PPP1R1B: variants seen among roughly 807,000 people sequenced by gnomAD.
PPP1R1B encodes the protein protein phosphatase 1 regulatory subunit 1B.
In PPP1R1B, 13 loss-of-function variants were observed where a neutral mutation model predicts 28.2. That is an observed-to-expected ratio of 0.46 (90% CI 0.30 to 0.73). The LOEUF (loss-of-function observed/expected upper bound fraction) is 0.73, where lower values mean the gene tolerates loss of function less well. Among genes scored for constraint, PPP1R1B ranks in the 30% least tolerant of loss-of-function variants. The pLI is 0.07. For missense variants in PPP1R1B, 236 were observed against 256.7 expected (o/e 0.92, Z 0.55); for synonymous variants, 102 against 97.5 (o/e 1.05, Z -0.27).
chr17:39,629,087 A>G, intron 1 of PPP1R1B, 83 bp from the exon 2 acceptor site: 11 of 1,373,476 alleles, frequency 8.0e-6, no homozygotes, highest in Admixed American at 5.4e-5. Context: ...TGGGGACTCC[A>G]AAGCACTGTT....
chr17:39,631,378 T>A (rs1207239649), intron 4 of PPP1R1B, among the ~76,000 whole-genome samples: 2 of 152,174 alleles, frequency 1.3e-5, no homozygotes, highest in African/African-American at 4.8e-5. Flanking sequence ...GAGAAAGAGA[T>A]GCGAGTCAGA....
rs1567846442 is a variant in PPP1R1B at position 39,627,125 on chromosome 17, C to A, written c.-268C>A. ...ACGCAGAGACACCCAGGCCGGGGAGCGCGAGGGAGCGAGGCACAGACCTGG... is the reference window on the plus strand; with the variant it reads ...ACGCAGAGACACCCAGGCCGGGGAGAGCGAGGGAGCGAGGCACAGACCTGG... On this transcript the variant is annotated 5_prime_UTR_variant, in exon 1 of 7. Transcript: ENST00000254079. The A allele has an allele frequency of 2.3e-6, 1 of 433,172 alleles. No individual in the cohort carries two copies. Among genetic ancestry groups the A allele is most frequent in the Admixed American group, 4.6e-5 (1 of 21,950 alleles). The allele number at this position is 433,172 out of a possible 1,614,324, so 26.8% of individuals were successfully genotyped here. A position where few individuals can be genotyped will look rare whatever the true frequency, so the allele number is the denominator to read the frequency against.
chr17:39,631,179 G>A (rs1403720527), intron 4 of PPP1R1B, among the ~76,000 whole-genome samples: 3 of 152,182 alleles, frequency 2.0e-5, no homozygotes, highest in African/African-American at 7.2e-5. Flanking sequence ...AGGCTGCAGT[G>A]AGCTATGATC....
At chr17:39,635,472 G>C in intron 5 of PPP1R1B, 135 bp from the exon 6 acceptor site, 1 of 1,220,510 alleles carries the variant, frequency 8.2e-7, no homozygotes, top group South Asian at 1.4e-5. Context: ...AGCTGTTCTA[G>C]CCCAGTTCTC....
intron 1 of PPP1R1B, chr17:39,628,537 C>A: frequency 1.0e-6 from 1 of 985,656 alleles, no homozygotes. Context: ...AGTTCTGCAG[C>A]CTTACAGAGA....
intron 4 of PPP1R1B, chr17:39,633,372 T>G: frequency 4.2e-5 from 7 of 167,136 alleles, no homozygotes; most frequent in East Asian, 1.6e-4. Context: ...TGCCAGGGAG[T>G]GGGGACTATG....
intron 5 of PPP1R1B, 72 bp downstream of exon 5, chr17:39,634,158 A>G (rs1462071256): frequency 6.9e-6 from 11 of 1,584,800 alleles, no homozygotes; most frequent in Middle Eastern, 2.2e-4. Flanking sequence ...GTCCCCTTCT[A>G]GTTCAGTGTC....
In PPP1R1B at chr17:39,636,623, A is replaced by G. The variant is rs1389628437; in HGVS notation, c.*758A>G. 6.6e-6 allele frequency: 1 copy of G among 152,478 alleles called. No homozygotes were observed. Among genetic ancestry groups the G allele is most frequent in the East Asian group, 1.9e-4 (1 of 5,320 alleles). 9.4% of individuals were successfully genotyped at this position (152,478 alleles called of 1,614,324 possible). A position where few individuals can be genotyped will look rare whatever the true frequency, so the allele number is the denominator to read the frequency against. ...CGTGCTGTAATAAATCTTTGTAAAT[A>G]ACTGCTGAGACTCCTCTTTCAGGGG... On this transcript the variant is annotated 3_prime_UTR_variant, in exon 7 of 7. Transcript: ENST00000254079.
intron 4 of PPP1R1B, chr17:39,633,501 G>A (rs531285226): frequency 4.9e-6 from 1 of 205,188 alleles, no homozygotes; most frequent in African/African-American, 2.3e-5. Flanking sequence ...CCTTCTGCCT[G>A]GGCTTGAAGC....
rs758547385 is a variant in PPP1R1B, at chr17:39,629,167, T to C, written c.82-3T>C. On this transcript the variant is annotated splice_region_variant and splice_polypyrimidine_tract_variant and intron_variant, in intron 1 of 6. Transcript: ENST00000254079. The stretch of plus-strand genomic sequence containing the variant: ...CCAGTCACCCCTCCCTCCATCTCCT[T>C]AGATCCGGCGCAGGAGACCAACGCC... The C allele has an allele frequency of 6.2e-7, 1 of 1,613,366 alleles. No individual in the cohort carries two copies. The highest frequency in any genetic ancestry group is 8.5e-7 in the Non-Finnish European group (1 of 1,179,758).
At chr17:39,631,082 A>C (rs2056874015) in intron 4 of PPP1R1B, among the ~76,000 whole-genome samples, 1 of 152,010 alleles carries the variant, frequency 6.6e-6, no homozygotes, top group African/African-American at 2.4e-5. Context: ...GAAAAAAAAA[A>C]AAGTGAGCTA....
At chr17:39,635,374 T>G (rs900315561) in intron 5 of PPP1R1B, among the ~76,000 whole-genome samples, 3 of 151,400 alleles carry the variant, frequency 2.0e-5, no homozygotes, top group Admixed American at 2.0e-4. Context: ...ACATCTTGTT[T>G]AAGGTAATCT....
Position 39,630,031 on chromosome 17 carries a change from A to C in PPP1R1B, c.225A>C (p.Thr75=). ...KSKRPNPCAY[T]PPSLKAVQRI... ...AGAGACCCAACCCCTGTGCCTACAC[A>C]CCACCTTCGCTGAAAGGTACTATAC... The change falls in exon 4 of 7, where the codon ACA becomes ACC. Residue 75 remains threonine, a synonymous_variant. Transcript: ENST00000254079. 1 of 1,614,088 alleles carries C rather than the reference A, an allele frequency of 6.2e-7. No individual in the cohort carries two copies. The highest frequency in any genetic ancestry group is 8.5e-7 in the Non-Finnish European group (1 of 1,180,000).
At position 39,633,995 on chromosome 17, in the gene PPP1R1B, AGAGGAAGATGAG is replaced by A; in HGVS notation, c.363_374del (p.Asp121_Glu124del). The A allele has an allele frequency of 6.2e-7, 1 of 1,613,960 alleles. No homozygotes were observed. Among genetic ancestry groups the A allele is most frequent in the Non-Finnish European group, 8.5e-7 (1 of 1,179,924 alleles). ...AGCTTCGGGAGCTGGGTTATCCAAG[AGAGGAAGATGAG>A]GAGGAAGAGGAGGATGATGAAGAAG... On this transcript the variant is annotated inframe_deletion, in exon 5 of 7. Transcript: ENST00000254079.
chr17:39,633,270 G>A (rs1308786766), intron 4 of PPP1R1B: 1 of 155,100 alleles, frequency 6.4e-6, no homozygotes, highest in Non-Finnish European at 1.4e-5. Flanking sequence ...AGACTGCACT[G>A]GCTGCAGACT....
chr17:39,630,230 C>T (rs1160911078), intron 4 of PPP1R1B, 183 bp downstream of exon 4: 9 of 600,510 alleles, frequency 1.5e-5, no homozygotes, highest in East Asian at 2.8e-5. Context: ...ACACAGGAGT[C>T]CCGAGGCTGC....
At chr17:39,629,324 C>A in intron 2 of PPP1R1B, 94 bp downstream of exon 2, 1 of 1,396,912 alleles carries the variant, frequency 7.2e-7, no homozygotes, top group South Asian at 1.2e-5. Context: ...GGAGTCAAAG[C>A]TGGAGACTGG....
At position 39,630,187 on chromosome 17, in the gene PPP1R1B, A is replaced by G. The variant is rs2056866791; in HGVS notation, c.241+140A>G. ...CAGCGTGGCGCAACAACCCAACGTA[A>G]AGACCAATTTTTTCTCAGTCTGGCC... On this transcript the variant is annotated intron_variant, in intron 4 of 6. Coordinates refer to ENST00000254079, the MANE Select transcript of PPP1R1B (RefSeq NM_032192.4). The G allele has an allele frequency of 5.2e-6, 4 of 770,020 alleles. No homozygotes were observed. In the Admixed American group the frequency reaches 7.0e-5, roughly 14 times the overall value. 47.7% of individuals were successfully genotyped at this position (770,020 alleles called of 1,614,324 possible).
intron 1 of PPP1R1B, 126 bp downstream of exon 1, chr17:39,627,599 C>T: frequency 1.6e-6 from 1 of 619,632 alleles, no homozygotes; most frequent in Non-Finnish European, 2.7e-6. Flanking sequence ...CCGGGCTCTG[C>T]CTCGGTCAGG....
Sources: gnomAD v4.1 joint callset for allele counts (sites outside exome capture counted in the v4.1 genomes callset) on GRCh38, gnomAD v4.1.1 for gene constraint, MANE v1.5 for transcripts, NCBI Gene and HGNC (gene_info 2026-07-23, HGNC 2026-07-21) for gene names.